The following NOTCH2NLC variants were observed in gnomAD, a reference collection of about 807,000 sequenced individuals.
NOTCH2NLC encodes notch 2 N-terminal like C, also known as notch homolog 2 N-terminal-like protein C.
In NOTCH2NLC, 4 loss-of-function variants were observed where a neutral mutation model predicts 17.7. That is an observed-to-expected ratio of 0.23 (90% CI 0.11 to 0.52). The LOEUF is 0.52. Ranked by LOEUF, NOTCH2NLC falls within the 20% of genes least tolerant of loss-of-function variation. The pLI, the probability that NOTCH2NLC is intolerant of heterozygous loss-of-function variation, is 0.96. For missense variants in NOTCH2NLC, 57 were observed against 207.2 expected (o/e 0.28, Z 4.45); for synonymous variants, 18 against 86.0 (o/e 0.21, Z 4.38).
chr1:149,464,575 C>T lies in NOTCH2NLC; in HGVS notation c.*422C>T, dbSNP rs1396275544. 15 of 161,932 alleles carry T rather than the reference C, an allele frequency of 9.3e-5. 1 individual carries two copies. Among genetic ancestry groups the T allele is most frequent in the Admixed American group, 1.8e-4 (3 of 16,938 alleles). The allele number at this position is 161,932 out of a possible 1,614,324, so 10.0% of individuals were successfully genotyped here. On this transcript the variant is annotated 3_prime_UTR_variant, in exon 5 of 5. Coordinates refer to ENST00000650865, the MANE Select transcript of NOTCH2NLC (RefSeq NM_001364013.2). ...TAAAAAGAGGAGCAGTGTCGGGGAG[C>T]TTGGGGCCTGGTGTTCCATGGAGAG...
At chr1:149,433,562 A>C (rs1433858638) in intron 2 of NOTCH2NLC, among the ~76,000 whole-genome samples, 2 of 147,592 alleles carry the variant, frequency 1.4e-5, no homozygotes, top group African/African-American at 2.5e-5. Context: ...GGAGAATTTC[A>C]AATATGTTCT....
Position 149,432,481 on chromosome 1 carries a change from G to T in NOTCH2NLC, c.209+1466G>T, listed in dbSNP as rs1186823963. ...CTAGCTGGAGGAAAAAAAAACATGT[G>T]GTGCATTCTCCTCTAAGAATGGAGA... On this transcript the variant is annotated intron_variant, in intron 2 of 4. Coordinates refer to ENST00000650865, the MANE Select transcript of NOTCH2NLC (RefSeq NM_001364013.2). Among the ~76,000 whole-genome samples, 6 of 150,988 alleles carry T rather than the reference G, an allele frequency of 4.0e-5. No individual in the cohort carries two copies. In the South Asian group the frequency reaches 1.3e-3, roughly 32 times the overall value.
At chr1:149,443,273 CTTAA>C (rs1463937038) in intron 2 of NOTCH2NLC, among the ~76,000 whole-genome samples, 1 of 106,134 alleles carries the variant, frequency 9.4e-6, no homozygotes, top group South Asian at 3.5e-4. Context: ...TATCAGGAAT[CTTAA>C]TTAGTTTTGA....
intron 1 of NOTCH2NLC, among the ~76,000 whole-genome samples, chr1:149,421,506 A>G (rs2084379537): frequency 6.8e-6 from 1 of 147,428 alleles, no homozygotes; most frequent in Admixed American, 6.7e-5. Flanking sequence ...CTCAAAAAAA[A>G]AAAAAAAAAA....
rs1396680749 is a variant in NOTCH2NLC, at chr1:149,471,199, T to A, written c.*7046T>A. ...TTTTAATATTGAACTGTAATAGTTT[T>A]AAAAAAATATATCCTAAATACAAGT... On this transcript the variant is annotated 3_prime_UTR_variant, in exon 5 of 5. Coordinates refer to ENST00000650865, the MANE Select transcript of NOTCH2NLC (RefSeq NM_001364013.2). 6.6e-6 allele frequency among the ~76,000 whole-genome samples: 1 copy of A among 151,136 alleles called. No homozygotes were observed. Among genetic ancestry groups the A allele is most frequent in the African/African-American group, 2.4e-5 (1 of 41,118 alleles).
Position 149,471,199 on chromosome 1 carries a change from T to TA in NOTCH2NLC, c.*7053dup, listed in dbSNP as rs1432840819. On this transcript the variant is annotated 3_prime_UTR_variant, in exon 5 of 5. Coordinates refer to ENST00000650865, the MANE Select transcript of NOTCH2NLC (RefSeq NM_001364013.2). ...TTTTAATATTGAACTGTAATAGTTT[T>TA]AAAAAAATATATCCTAAATACAAGT... 2.0e-5 allele frequency among the ~76,000 whole-genome samples: 3 copies of TA among 151,136 alleles called. No individual in the cohort carries two copies. Among genetic ancestry groups the TA allele is most frequent in the African/African-American group, 4.9e-5 (2 of 41,118 alleles).
chr1:149,462,204 A>G (rs1359683166), intron 3 of NOTCH2NLC, among the ~76,000 whole-genome samples: 1 of 148,922 alleles, frequency 6.7e-6, no homozygotes, highest in Admixed American at 6.7e-5. Flanking sequence ...ACTAATGACA[A>G]CAAAAAGCCA....
intron 1 of NOTCH2NLC, among the ~76,000 whole-genome samples, chr1:149,400,163 A>G (rs1308178790): frequency 1.4e-5 from 2 of 139,894 alleles, no homozygotes; most frequent in African/African-American, 5.2e-5. Flanking sequence ...TTATGAACAG[A>G]TCTACATATA....
At chr1:149,439,224 TA>T (rs2084501255) in intron 2 of NOTCH2NLC, among the ~76,000 whole-genome samples, 1 of 38,690 alleles carries the variant, frequency 2.6e-5, no homozygotes, top group Non-Finnish European at 4.8e-5. Context: ...CTGGCATTAA[TA>T]GATGTGAATT....
At chr1:149,446,485 G>A (rs1183822591) in intron 2 of NOTCH2NLC, among the ~76,000 whole-genome samples, 4 of 146,964 alleles carry the variant, frequency 2.7e-5, no homozygotes, top group African/African-American at 1.0e-4. Context: ...ACCTCTCAAT[G>A]TCAGAAATGA....
chr1:149,402,104 A>T (rs1350956266), intron 1 of NOTCH2NLC, among the ~76,000 whole-genome samples: 1 of 142,800 alleles, frequency 7.0e-6, no homozygotes, highest in African/African-American at 2.6e-5. Context: ...TTTGAGTTGG[A>T]GTTTTGCTCT....
chr1:149,398,933 C>T (rs1301869091), intron 1 of NOTCH2NLC, among the ~76,000 whole-genome samples: 1 of 152,132 alleles, frequency 6.6e-6, no homozygotes, highest in African/African-American at 2.4e-5. Context: ...GTTGCAGAAC[C>T]TGTTTCTGGG....
intron 3 of NOTCH2NLC, among the ~76,000 whole-genome samples, chr1:149,463,157 G>T (rs1320635146): frequency 6.6e-6 from 1 of 150,918 alleles, no homozygotes; most frequent in African/African-American, 2.4e-5. Context: ...TCAAACAGGA[G>T]CAGCATATGC....
chr1:149,461,576 A>G (rs1388347429), intron 3 of NOTCH2NLC, among the ~76,000 whole-genome samples: 1 of 151,234 alleles, frequency 6.6e-6, no homozygotes, highest in Non-Finnish European at 1.5e-5. Flanking sequence ...ATACTTTCCT[A>G]GACAGTCAAC....
chr1:149,461,982 T>G, intron 3 of NOTCH2NLC, among the ~76,000 whole-genome samples: 2 of 121,898 alleles, frequency 1.6e-5, no homozygotes, highest in Non-Finnish European at 3.5e-5. Context: ...GGGCCTGTCG[T>G]GGGGTGGTGG....
Position 149,392,561 on chromosome 1 carries a change from C to T in NOTCH2NLC, c.135+1639C>T, listed in dbSNP as rs1400251253. On this transcript the variant is annotated intron_variant, in intron 1 of 4. Transcript: ENST00000650865. Reference sequence around the variant, plus strand: ...GATGGTGTTTTTGCTTTTCCTTTTTCTTTGAATGAAAGCTTTAAGTGTAGC... The same window carrying T: ...GATGGTGTTTTTGCTTTTCCTTTTTTTTTGAATGAAAGCTTTAAGTGTAGC... Among the ~76,000 whole-genome samples, 45 of 150,906 alleles carry T rather than the reference C, an allele frequency of 3.0e-4. 4 individuals are homozygous for T. In the East Asian group the frequency reaches 6.9e-3, roughly 23 times the overall value.
chr1:149,406,351 A>AAC (rs1204155314), intron 1 of NOTCH2NLC: 2 of 151,224 alleles, frequency 1.3e-5, no homozygotes, highest in Non-Finnish European at 3.0e-5. Flanking sequence ...GCTATTTTAA[A>AAC]ACACAGTCCT....
intron 1 of NOTCH2NLC, among the ~76,000 whole-genome samples, chr1:149,417,271 G>A (rs1230163534): frequency 2.0e-5 from 3 of 150,104 alleles, no homozygotes; most frequent in South Asian, 2.1e-4. Flanking sequence ...CACCACGCCC[G>A]CTAATTTTTT....
chr1:149,426,576 CTT>C (rs1224339764), intron 1 of NOTCH2NLC, among the ~76,000 whole-genome samples: 342 of 104,284 alleles, frequency 3.3e-3, no homozygotes, highest in African/African-American at 4.2e-3. Flanking sequence ...TTCTTTTTGC[CTT>C]TTTTTTTTTT....
Sources: gnomAD v4.1 joint callset for allele counts (sites outside exome capture counted in the v4.1 genomes callset) on GRCh38, gnomAD v4.1.1 for gene constraint, MANE v1.5 for transcripts, NCBI Gene and HGNC (gene_info 2026-07-23, HGNC 2026-07-21) for gene names.